The following ZNF200 variants were observed in gnomAD, a reference collection of about 807,000 sequenced individuals.
ZNF200 encodes zinc finger protein 200.
In ZNF200, 35 loss-of-function variants were observed where a neutral mutation model predicts 33.6. That is an observed-to-expected ratio of 1.04 (90% CI 0.80 to 1.38). ZNF200 has a LOEUF of 1.38. Ranked by LOEUF, ZNF200 falls within the 40% of genes most tolerant of loss-of-function variation. The pLI, the probability that ZNF200 is intolerant of heterozygous loss-of-function variation, is 0.00. For missense variants in ZNF200, 592 were observed against 470.6 expected (o/e 1.26, Z -2.39); for synonymous variants, 209 against 167.7 (o/e 1.25, Z -1.90).
chr16:3,233,918 C>A, intron 1 of ZNF200, 82 bp from the exon 2 acceptor site: 40 of 1,111,726 alleles, frequency 3.6e-5, no homozygotes, highest in Admixed American at 5.8e-5. Flanking sequence ...GCTGGTGAGG[C>A]TACATGAGAT....
At chr16:3,233,972 G>A (rs951097919) in intron 1 of ZNF200, 136 bp from the exon 2 acceptor site, 5 of 572,708 alleles carry the variant, frequency 8.7e-6, no homozygotes, top group African/African-American at 1.9e-5. Context: ...TAACTGAAAC[G>A]CAGTATTTGA....
At chr16:3,231,168 A>G (rs1389719393) in intron 4 of ZNF200, among the ~76,000 whole-genome samples, 5 of 152,152 alleles carry the variant, frequency 3.3e-5, no homozygotes, top group African/African-American at 1.2e-4. Flanking sequence ...CCTGAAGTGC[A>G]TAGTCGAAGT....
At chr16:3,228,228 GT>G (rs1958525526) in intron 4 of ZNF200, among the ~76,000 whole-genome samples, 1 of 151,960 alleles carries the variant, frequency 6.6e-6, no homozygotes, top group African/African-American at 2.4e-5. Context: ...AATGATTTCT[GT>G]TTATTCACTT....
chr16:3,231,655 G>A (rs1244382452), intron 4 of ZNF200, among the ~76,000 whole-genome samples: 5 of 152,318 alleles, frequency 3.3e-5, no homozygotes, highest in African/African-American at 7.2e-5. Context: ...ACTGGGAAAT[G>A]AGGACAAATA....
At chr16:3,224,650 T>G (rs200936424) in intron 4 of ZNF200, 37 bp from the exon 5 acceptor site, 8 of 1,541,230 alleles carry the variant, frequency 5.2e-6, no homozygotes, top group East Asian at 2.3e-5. Context: ...TTCTGAGAGA[T>G]ATCACAACAC....
chr16:3,224,089 T>C lies in ZNF200; in HGVS notation c.991A>G (p.Ile331Val), dbSNP rs199765890. Residue 331 changes from isoleucine (I) to valine (V), a missense_variant, in exon 5 of 5, where the codon ATA becomes GTA. Transcript: ENST00000414144. ...SHRSRHEGIHIREKIFKCPEC... is the reference protein window; with the variant it reads ...SHRSRHEGIHVREKIFKCPEC... Reference sequence around the variant, plus strand: ...GGACACTTAAATATCTTCTCCCTTATATGGATTCCTTCATGACGACTCCGA... The same window carrying C: ...GGACACTTAAATATCTTCTCCCTTACATGGATTCCTTCATGACGACTCCGA... The C allele has an allele frequency of 7.4e-6, 12 of 1,614,202 alleles. No homozygotes were observed. Among genetic ancestry groups the C allele is most frequent in the East Asian group, 4.5e-5 (2 of 44,886 alleles).
Position 3,232,862 on chromosome 16 carries a change from C to T in ZNF200, c.310G>A (p.Val104Met). The change falls in exon 3 of 5, where the codon GTG becomes ATG. Residue 104 changes from valine (V) to methionine (M), a missense_variant. Transcript: ENST00000414144. ...GGGTTAGCTTTCAAATACAGAGACA[C>T]TGTCTCTTGTTCCTTTTGGACTCCT... is the stretch of plus-strand genomic sequence containing the variant. ...PKGVQKEQET[V>M]SLYLKANPEE... 1.2e-6 allele frequency: 2 copies of T among 1,613,854 alleles called. No individual in the cohort carries two copies. The highest frequency in any genetic ancestry group is 2.2e-5 in the East Asian group (1 of 44,890).
chr16:3,230,134 G>A (rs1046079354), intron 4 of ZNF200, among the ~76,000 whole-genome samples: 2 of 152,206 alleles, frequency 1.3e-5, no homozygotes, highest in African/African-American at 4.8e-5. Flanking sequence ...CTCTTGCCAT[G>A]TGAAGTCTGC....
chr16:3,233,987 G>C, intron 1 of ZNF200, 151 bp from the exon 2 acceptor site: 1 of 485,738 alleles, frequency 2.1e-6, no homozygotes, highest in Non-Finnish European at 3.5e-6. Flanking sequence ...ATTTGAACAA[G>C]ATATGCTTAG....
At chr16:3,234,473 AAGAAAGAAAAGAC>A (rs1567226244) in intron 1 of ZNF200, among the ~76,000 whole-genome samples, 1 of 152,170 alleles carries the variant, frequency 6.6e-6, no homozygotes, top group Non-Finnish European at 1.5e-5. Flanking sequence ...TAAAAGGAAA[AAGAAAGAAAAGAC>A]AGAAAGAAAG....
At chr16:3,234,207 A>C in intron 1 of ZNF200, 1 of 153,706 alleles carries the variant, frequency 6.5e-6, no homozygotes, top group South Asian at 1.9e-4. Flanking sequence ...GGAGTTCAAG[A>C]CCAGCCTGGG....
chr16:3,223,868 C>G lies in ZNF200; in HGVS notation c.*24G>C. On this transcript the variant is annotated 3_prime_UTR_variant, in exon 5 of 5. Transcript: ENST00000414144. The stretch of plus-strand genomic sequence containing the variant: ...AGCTCTCAGGTTGAGGCAGCACCAT[C>G]AGACCCAGAAAGGGTTCCCAGTATT... The G allele has an allele frequency of 6.3e-7, 1 of 1,580,596 alleles. No homozygotes were observed. The highest frequency in any genetic ancestry group is 1.2e-5 in the South Asian group (1 of 85,662).
At position 3,232,969 on chromosome 16, in the gene ZNF200, C is replaced by G. The variant is rs150876916; in HGVS notation, c.251-48G>C. On this transcript the variant is annotated intron_variant, in intron 2 of 4. Coordinates refer to ENST00000414144, the MANE Select transcript of ZNF200 (RefSeq NM_198088.3). ...TTAGTGAAAAACTCAGTGACTCTAA[C>G]ACAGAGACTCCCCATACCGCGAGGC... 2,451 of 1,544,816 alleles carry G rather than the reference C, an allele frequency of 1.6e-3. 36 individuals are homozygous for G. In the African/African-American group the frequency reaches 0.03, roughly 19 times the overall value.
In ZNF200 at chr16:3,222,916, AC is replaced by A. The variant is rs1958365649; in HGVS notation, c.*975del. ...CACTTTGCCTTGTGAGGTAGTGACC[AC>A]CCCATTGCCAAAGGTCTGATGACAG... On this transcript the variant is annotated 3_prime_UTR_variant, in exon 5 of 5. Coordinates refer to ENST00000414144, the MANE Select transcript of ZNF200 (RefSeq NM_198088.3). The A allele has an allele frequency of 6.6e-6, 1 of 152,128 alleles. No individual in the cohort carries two copies. The highest frequency in any genetic ancestry group is 2.1e-4 in the South Asian group (1 of 4,832). 9.4% of individuals were successfully genotyped at this position (152,128 alleles called of 1,614,324 possible). A position where few individuals can be genotyped will look rare whatever the true frequency, so the allele number is the denominator to read the frequency against.
intron 4 of ZNF200, among the ~76,000 whole-genome samples, chr16:3,232,071 G>A (rs1176916433): frequency 2.0e-5 from 3 of 152,144 alleles, no homozygotes; most frequent in African/African-American, 7.2e-5. Flanking sequence ...AAAAGGGGAG[G>A]GGGATTACAA....
At chr16:3,226,449 T>C (rs916842983) in intron 4 of ZNF200, 1 of 152,234 alleles carries the variant, frequency 6.6e-6, no homozygotes, top group Non-Finnish European at 1.5e-5. Context: ...CAAAAACAGC[T>C]CTACTAATTT....
Position 3,224,323 on chromosome 16 carries a change from T to C in ZNF200, c.757A>G (p.Thr253Ala). Residue 253 changes from threonine (T) to alanine (A), a missense_variant, in exon 5 of 5, where the codon ACT (threonine) becomes GCT (alanine). Physicochemically the swap from Thr to Ala is moderately conservative, Grantham distance 58 (BLOSUM62 0). Transcript: ENST00000414144. ...AACTGTTTCCCACACAGTGGACAAGTGTACCATCTCCTTGTCCTCCGATTT... is the reference window on the plus strand; with the variant it reads ...AACTGTTTCCCACACAGTGGACAAGCGTACCATCTCCTTGTCCTCCGATTT... ...TRNRRTRRWY[T>A]CPLCGKQFNE... 1 of 1,614,182 alleles carries C rather than the reference T, an allele frequency of 6.2e-7. No individual in the cohort carries two copies. Among genetic ancestry groups the C allele is most frequent in the African/African-American group, 1.3e-5 (1 of 75,048 alleles).
chr16:3,223,687 G>T lies in ZNF200; in HGVS notation c.*205C>A. On this transcript the variant is annotated 3_prime_UTR_variant, in exon 5 of 5. Transcript: ENST00000414144. The stretch of plus-strand genomic sequence containing the variant: ...GCTCCTTAGTCCAAAAAGCCTAGAT[G>T]CTGAGGTATAGCCCTTGAAATGTTT... 1 of 673,366 alleles carries T rather than the reference G, an allele frequency of 1.5e-6. No individual in the cohort carries two copies. Among genetic ancestry groups the T allele is most frequent in the Non-Finnish European group, 2.3e-6 (1 of 430,616 alleles). The allele number at this position is 673,366 out of a possible 1,614,324, so 41.7% of individuals were successfully genotyped here.
chr16:3,232,788 C>A, intron 3 of ZNF200, 45 bp downstream of exon 3: 1 of 1,596,388 alleles, frequency 6.3e-7, no homozygotes, highest in Non-Finnish European at 8.6e-7. Context: ...TGGCCAAGCA[C>A]GGAAGGTGAT....
Sources: allele counts gnomAD v4.1 joint callset (sites outside exome capture counted in the v4.1 genomes callset), GRCh38; gene constraint gnomAD v4.1.1; transcripts MANE v1.5; gene names NCBI Gene and HGNC (gene_info 2026-07-23, HGNC 2026-07-21).